CELSR2: variants seen among roughly 807,000 people sequenced by gnomAD.
The protein encoded by CELSR2 is EGF-like protein 2.
A neutral mutation model predicts 251.6 loss-of-function variants in CELSR2; 81 were observed. The observed-to-expected ratio is 0.32, with a 90% CI of 0.27 to 0.39. The LOEUF (loss-of-function observed/expected upper bound fraction) is 0.39, where lower values mean the gene tolerates loss of function less well. Ranked by LOEUF, CELSR2 falls within the 10% of genes least tolerant of loss-of-function variation. The pLI is 1.00. For missense variants in CELSR2, 3,365 were observed against 3,947.7 expected, an observed-to-expected ratio of 0.85 and a Z score of 3.96; for synonymous variants, 1,721 against 1,670.5, an observed-to-expected ratio of 1.03 and a Z score of -0.74.
Position 109,274,243 on chromosome 1 carries a change from C to CT in CELSR2, c.*194_*195insT, listed in dbSNP as rs1656462854. On this transcript the variant is annotated 3_prime_UTR_variant, in exon 34 of 34. Coordinates refer to ENST00000271332, the MANE Select transcript of CELSR2 (RefSeq NM_001408.3). ...ACCTAAGGCCATCTAGTGCCAACTC[C>CT]CCCCCCACCATTCCCCTCACTGCAC... is the stretch of plus-strand genomic sequence containing the variant. The CT allele has an allele frequency of 1.5e-6, 2 of 1,369,426 alleles. No individual in the cohort carries two copies. Among genetic ancestry groups the CT allele is most frequent in the Non-Finnish European group, 1.9e-6 (2 of 1,031,726 alleles). 84.8% of individuals were successfully genotyped at this position (1,369,426 alleles called of 1,614,324 possible).
In CELSR2 at chr1:109,261,021, C is replaced by T. The variant is rs200555051; in HGVS notation, c.3959-21C>T. 51 of 1,585,492 alleles carry T rather than the reference C, an allele frequency of 3.2e-5. No homozygotes were observed. The highest frequency in any genetic ancestry group is 4.2e-5 in the Non-Finnish European group (49 of 1,160,286). On this transcript the variant is annotated intron_variant, in intron 2 of 33. Coordinates refer to ENST00000271332, the MANE Select transcript of CELSR2 (RefSeq NM_001408.3). The surrounding 1 kb of genome is among the most constrained non-coding windows in gnomAD (Gnocchi z 4.8). Reference sequence around the variant, plus strand: ...CCTGTCCTCAGGTACTTGGTACTCACCTGCCTTTCCTCTTGTCCAGGTGAG... The same window carrying T: ...CCTGTCCTCAGGTACTTGGTACTCATCTGCCTTTCCTCTTGTCCAGGTGAG...
rs1311503824 is a variant in CELSR2 at position 109,261,814 on chromosome 1, C to T, written c.4304C>T (p.Ser1435Leu). The change falls in exon 5 of 34, where the codon TCA (serine) becomes TTA (leucine). Residue 1435 changes from serine to leucine, a missense_variant. Transcript: ENST00000271332. This position sits in a 1 kb window ranked among gnomAD's most constrained non-coding sequence, Gnocchi z 4.8. ...QVQLTFSAGESTTTVSPFVPG... is the reference protein window; with the variant it reads ...QVQLTFSAGELTTTVSPFVPG... ...CACCTGGTCCTTTCCCCAGGGGAGT[C>T]AACCACCACGGTGTCCCCATTCGTG... The T allele has an allele frequency of 6.3e-7, 1 of 1,591,494 alleles. No homozygotes were observed. The highest frequency in any genetic ancestry group is 8.6e-7 in the Non-Finnish European group (1 of 1,167,426).
In CELSR2 at chr1:109,253,191, T is replaced by G; in HGVS notation, c.3112T>G (p.Ser1038Ala). 1 of 1,613,600 alleles carries G rather than the reference T, an allele frequency of 6.2e-7. No homozygotes were observed. The highest frequency in any genetic ancestry group is 8.5e-7 in the Non-Finnish European group (1 of 1,180,040). Residue 1038 changes from serine (S) to alanine (A), a missense_variant, in exon 1 of 34, where the codon TCA (serine) becomes GCA (alanine). Physicochemically the swap from Ser to Ala is moderately conservative, Grantham distance 99. This residue lies in a region of CELSR2 where 505 missense variants were observed against 660.0 expected (regional missense o/e 0.77). Transcript: ENST00000271332. The part of the protein sequence containing the change: ...ILFNNYVTNR[S>A]SSFPGGAIGR... ...TTTCAACAACTATGTCACCAATCGC[T>G]CAAGCAGCTTCCCTGGGGGTGCCAT...
In CELSR2 at chr1:109,258,771, C is replaced by T. The variant is rs777728438; in HGVS notation, c.3650C>T (p.Thr1217Met). 17 of 1,598,556 alleles carry T rather than the reference C, an allele frequency of 1.1e-5. No homozygotes were observed. Among genetic ancestry groups the T allele is most frequent in the Non-Finnish European group, 1.4e-5 (16 of 1,172,852 alleles). Residue 1217 changes from threonine to methionine, a missense_variant, in exon 2 of 34, where the codon ACG becomes ATG. Transcript: ENST00000271332. ...CTATACCTCAACCGCAGCCTGCTGA[C>T]GGCCATCTCGGCACAGCGCGTGCTG... is the stretch of plus-strand genomic sequence containing the variant. ...ERLYLNRSLL[T>M]AISAQRVLPF...
At position 109,262,454 on chromosome 1, in the gene CELSR2, G is replaced by T; in HGVS notation, c.4544+10G>T. On this transcript the variant is annotated intron_variant, in intron 6 of 33. Coordinates refer to ENST00000271332, the MANE Select transcript of CELSR2 (RefSeq NM_001408.3). Reference sequence around the variant, plus strand: ...AGGGTGGCAGCAAGAAGTGAGCAGGGGAAAGGGCCAGGGATGGGGTGAAGT... The same window carrying T: ...AGGGTGGCAGCAAGAAGTGAGCAGGTGAAAGGGCCAGGGATGGGGTGAAGT... 1 of 1,612,822 alleles carries T rather than the reference G, an allele frequency of 6.2e-7. No individual in the cohort carries two copies. Among genetic ancestry groups the T allele is most frequent in the Non-Finnish European group, 8.5e-7 (1 of 1,179,840 alleles).
rs764267707 is a variant in CELSR2, at chr1:109,264,910, C to T, written c.5507C>T (p.Pro1836Leu). 1.1e-5 allele frequency: 17 copies of T among 1,614,200 alleles called. 1 individual carries two copies. The highest frequency in any genetic ancestry group is 1.6e-4 in the Middle Eastern group (1 of 6,062). The change falls in exon 12 of 34, where the codon CCG becomes CTG. Residue 1836 changes from proline to leucine, a missense_variant. Pro to Leu is a moderately conservative substitution (Grantham distance 98). Coordinates refer to ENST00000271332, the MANE Select transcript of CELSR2 (RefSeq NM_001408.3). ...TGTACTAATGTGTGTGACCTGAACC[C>T]GTGTGAGCACCAGTCTGTGTGTACC... is the stretch of plus-strand genomic sequence containing the variant. ...DNCTNVCDLN[P>L]CEHQSVCTRK...
intron 17 of CELSR2, among the ~76,000 whole-genome samples, chr1:109,268,268 G>A (rs919022653): frequency 2.0e-5 from 3 of 152,218 alleles, no homozygotes; most frequent in Non-Finnish European, 4.4e-5. Flanking sequence ...TTGGGGCATG[G>A]TCTGACCCAG....
intron 1 of CELSR2, among the ~76,000 whole-genome samples, chr1:109,255,750 C>T (rs1405714095): frequency 6.6e-6 from 1 of 152,226 alleles, no homozygotes; most frequent in African/African-American, 2.4e-5. Context: ...CCCCTGTTCC[C>T]ATCCTGCCTT....
chr1:109,251,169 C>T lies in CELSR2; in HGVS notation c.1090C>T (p.Gln364Ter). The change falls in exon 1 of 34, where the codon CAG (glutamine) becomes TAG (stop). Residue 364 changes from glutamine (Q) to a stop codon, truncating the protein, a stop_gained. Transcript: ENST00000271332. LOFTEE classifies it high-confidence loss of function. This position sits in a 1 kb window ranked among gnomAD's most constrained non-coding sequence, Gnocchi z 4.9. ...PVDREEVESY[Q>*]LTVEASDQGR... Reference sequence around the variant, plus strand: ...GGATCGGGAAGAGGTGGAATCCTACCAGCTGACGGTAGAGGCAAGTGACCA... The same window carrying T: ...GGATCGGGAAGAGGTGGAATCCTACTAGCTGACGGTAGAGGCAAGTGACCA... 2 of 1,613,514 alleles carry T rather than the reference C, an allele frequency of 1.2e-6. No homozygotes were observed. Among genetic ancestry groups the T allele is most frequent in the Non-Finnish European group, 1.7e-6 (2 of 1,180,006 alleles).
chr1:109,258,246 A>G (rs184040527), intron 1 of CELSR2, among the ~76,000 whole-genome samples, 186 bp from the exon 2 acceptor site: 4 of 152,288 alleles, frequency 2.6e-5, no homozygotes, highest in Admixed American at 2.6e-4. Flanking sequence ...GTTTTGGGAA[A>G]GGATGCAAAG....
In CELSR2 at chr1:109,270,606, C is replaced by A. The variant is rs369567221; in HGVS notation, c.7483+6C>A. On this transcript the variant is annotated splice_donor_region_variant and intron_variant, in intron 24 of 33. Transcript: ENST00000271332. ...CGTGCCTGCCTTCATCACAGGTACT[C>A]CCACCCATTCCCAGTCTTGGGGTCC... The A allele has an allele frequency of 6.2e-7, 1 of 1,611,396 alleles. No individual in the cohort carries two copies. Among genetic ancestry groups the A allele is most frequent in the African/African-American group, 1.3e-5 (1 of 74,820 alleles).
Position 109,251,300 on chromosome 1 carries a change from G to C in CELSR2, c.1221G>C (p.Gln407His). The C allele has an allele frequency of 6.2e-7, 1 of 1,614,182 alleles. No individual in the cohort carries two copies. The highest frequency in any genetic ancestry group is 8.5e-7 in the Non-Finnish European group (1 of 1,180,042). The change falls in exon 1 of 34, where the codon CAG (glutamine) becomes CAC (histidine). Residue 407 changes from glutamine (Q) to histidine (H), a missense_variant. By Grantham distance (24) the Gln-to-His change is conservative (BLOSUM62 0). Coordinates refer to ENST00000271332, the MANE Select transcript of CELSR2 (RefSeq NM_001408.3). This position sits in a 1 kb window ranked among gnomAD's most constrained non-coding sequence, Gnocchi z 4.9. ...PQFSEKRYVV[Q>H]VREDVTPGAP... ...TTAGTGAGAAGCGCTATGTGGTCCA[G>C]GTGAGGGAGGATGTGACTCCAGGGG...
In CELSR2 at chr1:109,264,339, G is replaced by A; in HGVS notation, c.5263G>A (p.Ala1755Thr). 2 of 1,609,902 alleles carry A rather than the reference G, an allele frequency of 1.2e-6. No individual in the cohort carries two copies. Among genetic ancestry groups the A allele is most frequent in the Non-Finnish European group, 1.7e-6 (2 of 1,176,900 alleles). ...AATACCTGGGCCAGCCGGCGGTGTGGCCCGTGGCTTTCGGGGCTGTTTGCA... is the reference window on the plus strand; with the variant it reads ...AATACCTGGGCCAGCCGGCGGTGTGACCCGTGGCTTTCGGGGCTGTTTGCA... ...GGIPGPAGGV[A>T]RGFRGCLQGV... Residue 1755 changes from alanine (A) to threonine (T), a missense_variant, in exon 10 of 34, where the codon GCC becomes ACC. Coordinates refer to ENST00000271332, the MANE Select transcript of CELSR2 (RefSeq NM_001408.3).
intron 26 of CELSR2, 40 bp downstream of exon 26, chr1:109,271,336 C>T: frequency 6.2e-7 from 1 of 1,613,744 alleles, no homozygotes; most frequent in African/African-American, 1.3e-5. Flanking sequence ...TGGGCAGGCA[C>T]CAGCATGGGA....
At chr1:109,270,229 A>G in intron 23 of CELSR2, 96 bp downstream of exon 23, 1 of 1,376,514 alleles carries the variant, frequency 7.3e-7, no homozygotes, top group Non-Finnish European at 1.0e-6. Flanking sequence ...ATGAACTCTA[A>G]TAAGGTGCCT....
In CELSR2 at chr1:109,251,441, A is replaced by G. The variant is rs1655685102; in HGVS notation, c.1362A>G (p.Gly454=). 6.2e-7 allele frequency: 1 copy of G among 1,613,630 alleles called. No homozygotes were observed. The highest frequency in any genetic ancestry group is 8.5e-7 in the Non-Finnish European group (1 of 1,180,006). The change falls in exon 1 of 34, where the codon GGA becomes GGG. Residue 454 remains glycine, a synonymous_variant. Coordinates refer to ENST00000271332, the MANE Select transcript of CELSR2 (RefSeq NM_001408.3). The surrounding 1 kb of genome is among the most constrained non-coding windows in gnomAD (Gnocchi z 4.9). ...RGQFYLDAQT[G]ALDVVSPLDY... is the part of the protein sequence containing the mutation. ...AGTTTTATCTGGATGCCCAGACTGGAGCTCTGGATGTGGTGAGCCCTCTTG... is the reference window on the plus strand; with the variant it reads ...AGTTTTATCTGGATGCCCAGACTGGGGCTCTGGATGTGGTGAGCCCTCTTG...
In CELSR2 at chr1:109,263,213, G is replaced by A; in HGVS notation, c.4780G>A (p.Asp1594Asn). Residue 1594 changes from aspartate to asparagine, a missense_variant, in exon 8 of 34, where the codon GAC becomes AAC. Asp to Asn is a conservative substitution (Grantham distance 23, BLOSUM62 1). Around this residue, in one of 5 missense-constraint regions of CELSR2, gnomAD observed 2,093 missense variants for 2,382.8 expected, o/e 0.88. Coordinates refer to ENST00000271332, the MANE Select transcript of CELSR2 (RefSeq NM_001408.3). ...TGGGGGCACTTGCGTGAACCAGTGG[G>A]ACGCGTTCAGCTGCGAGTGCCCCCT... ...HNGGTCVNQW[D>N]AFSCECPLGF... is the part of the protein sequence containing the mutation. 1 of 1,596,650 alleles carries A rather than the reference G, an allele frequency of 6.3e-7. No individual in the cohort carries two copies. The highest frequency in any genetic ancestry group is 8.6e-7 in the Non-Finnish European group (1 of 1,165,984).
At chr1:109,266,549 C>T (rs1215151363) in intron 15 of CELSR2, 7 of 167,570 alleles carry the variant, frequency 4.2e-5, no homozygotes, top group Admixed American at 1.3e-4. Flanking sequence ...GCCGCCACCA[C>T]ACCTGGCTAA....
intron 1 of CELSR2, among the ~76,000 whole-genome samples, chr1:109,254,077 G>A (rs759296267): frequency 6.6e-6 from 1 of 152,254 alleles, no homozygotes; most frequent in Non-Finnish European, 1.5e-5. Flanking sequence ...AGAGTCCGTG[G>A]TTCGGGTCTG....
Sources: gnomAD v4.1 joint callset for allele counts (sites outside exome capture counted in the v4.1 genomes callset) on GRCh38, gnomAD v4.1.1 for gene constraint, gnomAD v4.1.1 regional missense constraint, Gnocchi (gnomAD v3.1) non-coding constraint, MANE v1.5 for transcripts, NCBI Gene and HGNC (gene_info 2026-07-23, HGNC 2026-07-21) for gene names.